Variants in NUP37 observed in about 807,000 individuals in gnomAD.
NUP37 encodes nucleoporin 37.
In NUP37, 33 loss-of-function variants were observed where a neutral mutation model predicts 45.4. The observed-to-expected ratio is 0.73, with a 90% CI of 0.55 to 0.97. The LOEUF (loss-of-function observed/expected upper bound fraction) is 0.97. Ranked by LOEUF, NUP37 falls within the 50% of genes least tolerant of loss-of-function variation. NUP37 has a pLI of 0.00. For missense variants in NUP37, 365 were observed against 389.7 expected (o/e 0.94, Z 0.53); for synonymous variants, 127 against 130.7 (o/e 0.97, Z 0.19).
At chr12:102,107,173 T>C (rs553921494) in intron 3 of NUP37, among the ~76,000 whole-genome samples, 1 of 152,350 alleles carries the variant, frequency 6.6e-6, no homozygotes, top group East Asian at 1.9e-4. Flanking sequence ...ACTGGCTTTC[T>C]GTGTGGTATG....
At chr12:102,102,441 A>G (rs965324025) in intron 3 of NUP37, among the ~76,000 whole-genome samples, 4 of 152,188 alleles carry the variant, frequency 2.6e-5, no homozygotes, top group Non-Finnish European at 4.4e-5. Flanking sequence ...TTCTTTGCCC[A>G]TTTTAAAATA....
At chr12:102,106,669 A>T (rs560616102) in intron 3 of NUP37, among the ~76,000 whole-genome samples, 1 of 152,328 alleles carries the variant, frequency 6.6e-6, no homozygotes, top group African/African-American at 2.4e-5. Flanking sequence ...AATTATAAAA[A>T]TAGGTGCTTT....
At chr12:102,089,000 A>C (rs1199031076) in intron 5 of NUP37, among the ~76,000 whole-genome samples, 1 of 152,158 alleles carries the variant, frequency 6.6e-6, no homozygotes, top group Non-Finnish European at 1.5e-5. Flanking sequence ...TTGACACAGC[A>C]CGTTTCAGAG....
At chr12:102,109,672 A>G (rs1880257056) in intron 3 of NUP37, among the ~76,000 whole-genome samples, 1 of 152,206 alleles carries the variant, frequency 6.6e-6, no homozygotes, top group Non-Finnish European at 1.5e-5. Context: ...TATAGTTCCA[A>G]AAAGGTCTTG....
chr12:102,091,399 CAAAAAAAAAAAA>C (rs1163474160), intron 5 of NUP37, among the ~76,000 whole-genome samples: 5 of 37,800 alleles, frequency 1.3e-4, no homozygotes, highest in African/African-American at 5.3e-4. Context: ...GACTCCGTCT[CAAAAAAAAAAAA>C]AAAAAAAAAA....
Position 102,076,843 on chromosome 12 carries a change from G to T in NUP37, c.727C>A (p.Pro243Thr). 1.2e-6 allele frequency: 2 copies of T among 1,611,366 alleles called. No homozygotes were observed. Residue 243 changes from proline (P) to threonine (T), a missense_variant, in exon 8 of 10, where the codon CCT becomes ACT. Coordinates refer to ENST00000552283, the MANE Select transcript of NUP37 (RefSeq NM_024057.4). ...ATGTGAACAGGTCTCTTATTTTGAG[G>T]ATAACTAAAAGATAATATTTTGCAT... is the stretch of plus-strand genomic sequence containing the variant. Reference protein sequence around the residue: ...LIWDITRSSYPQNKRPVHMDR... With the variant: ...LIWDITRSSYTQNKRPVHMDR...
intron 7 of NUP37, 34 bp downstream of exon 7, chr12:102,077,288 T>C: frequency 6.2e-7 from 1 of 1,606,654 alleles, no homozygotes; most frequent in East Asian, 2.2e-5. Context: ...TGCCTTTTTT[T>C]GGTGTGTAAT....
intron 4 of NUP37, 37 bp from the exon 5 acceptor site, chr12:102,099,237 C>G (rs910934067): frequency 1.4e-6 from 2 of 1,418,590 alleles, no homozygotes; most frequent in Non-Finnish European, 2.0e-6. Context: ...AGCAAGAAAA[C>G]AGAAAAATAA....
At chr12:102,116,480 G>A (rs956078949) in intron 2 of NUP37, among the ~76,000 whole-genome samples, 14 of 152,120 alleles carry the variant, frequency 9.2e-5, no homozygotes, top group Non-Finnish European at 1.8e-4. Context: ...CCATGTCCAT[G>A]TAAGTCAGGC....
chr12:102,100,084 C>A (rs1190373220), intron 4 of NUP37, among the ~76,000 whole-genome samples: 1 of 152,074 alleles, frequency 6.6e-6, no homozygotes, highest in Non-Finnish European at 1.5e-5. Context: ...TCACAGTCTA[C>A]AAGACAAACT....
At chr12:102,088,297 T>C (rs1197144464) in intron 5 of NUP37, among the ~76,000 whole-genome samples, 1 of 152,190 alleles carries the variant, frequency 6.6e-6, no homozygotes, top group African/African-American at 2.4e-5. Flanking sequence ...ACTATATAGC[T>C]CATCTGGTTA....
At chr12:102,119,593 C>T (rs1021546232) in intron 1 of NUP37, among the ~76,000 whole-genome samples, 11 of 151,990 alleles carry the variant, frequency 7.2e-5, no homozygotes, top group African/African-American at 2.7e-4. Flanking sequence ...ATATCAAGCA[C>T]CTTAAGAGTA....
In NUP37 at chr12:102,075,412, C is replaced by G. The variant is rs182730203; in HGVS notation, c.774-318G>C. On this transcript the variant is annotated intron_variant, in intron 8 of 9. Coordinates refer to ENST00000552283, the MANE Select transcript of NUP37 (RefSeq NM_024057.4). ...GCCCAGGCAGGTCTCAAACTCCTGG[C>G]CTCAAGTGATCCTCCTGCCTTGGTC... Among the ~76,000 whole-genome samples, 896 of 152,134 alleles carry G rather than the reference C, an allele frequency of 5.9e-3. 11 individuals carry two copies. Among genetic ancestry groups the G allele is most frequent in the African/African-American group, 0.02 (840 of 41,520 alleles).
At chr12:102,105,573 G>C (rs1420349441) in intron 3 of NUP37, among the ~76,000 whole-genome samples, 1 of 151,578 alleles carries the variant, frequency 6.6e-6, no homozygotes, top group Non-Finnish European at 1.5e-5. Flanking sequence ...AGGTTGAAAA[G>C]TGCCCTCACG....
chr12:102,074,703 AC>A (rs914385311), intron 9 of NUP37: 1 of 450,662 alleles, frequency 2.2e-6, no homozygotes, highest in Non-Finnish European at 3.9e-6. Context: ...GTCTACACCA[AC>A]CAAACAAGCA....
At chr12:102,109,324 A>G (rs1880247213) in intron 3 of NUP37, among the ~76,000 whole-genome samples, 1 of 152,194 alleles carries the variant, frequency 6.6e-6, no homozygotes, top group South Asian at 2.1e-4. Context: ...GTAAGATAAA[A>G]ATTAATGATG....
chr12:102,084,970 AG>A (rs1933212243), intron 6 of NUP37, among the ~76,000 whole-genome samples: 1 of 152,220 alleles, frequency 6.6e-6, no homozygotes, highest in South Asian at 2.1e-4. Flanking sequence ...GTGTATTTTT[AG>A]TATTTTAGAA....
At chr12:102,103,795 A>G (rs941385285) in intron 3 of NUP37, among the ~76,000 whole-genome samples, 7 of 152,328 alleles carry the variant, frequency 4.6e-5, no homozygotes, top group African/African-American at 1.7e-4. Context: ...AGATGCAGAA[A>G]AAGAATGTGA....
intron 8 of NUP37, among the ~76,000 whole-genome samples, chr12:102,075,638 A>C (rs1408511813): frequency 6.6e-6 from 1 of 152,188 alleles, no homozygotes; most frequent in African/African-American, 2.4e-5. Context: ...TCATTTCATT[A>C]AGTTCCAAAG....
Sources: allele counts gnomAD v4.1 joint callset (sites outside exome capture counted in the v4.1 genomes callset), GRCh38; gene constraint gnomAD v4.1.1; transcripts MANE v1.5; gene names NCBI Gene and HGNC (gene_info 2026-07-23, HGNC 2026-07-21).